Variants in PVR observed in about 807,000 individuals in gnomAD.
PVR encodes PVR cell adhesion molecule, also known as poliovirus receptor.
A neutral mutation model predicts 43.3 loss-of-function variants in PVR; 39 were observed. The observed-to-expected ratio is 0.90, with a 90% confidence interval of 0.70 to 1.18. The LOEUF is 1.18. Ranked by LOEUF, PVR falls within the 50% of genes most tolerant of loss-of-function variation. PVR has a pLI of 0.00. For synonymous variants in PVR, 224 were observed against 233.2 expected (o/e 0.96, Z 0.36); for missense variants, 480 against 549.7 (o/e 0.87, Z 1.27).
intron 1 of PVR, among the ~76,000 whole-genome samples, chr19:44,645,448 G>A (rs1457654174): frequency 1.3e-5 from 1 of 79,856 alleles, no homozygotes; most frequent in Non-Finnish European, 2.2e-5. Flanking sequence ...TATATATAGT[G>A]CGTGTGTGCG....
chr19:44,651,878 A>G (rs1456468009), intron 3 of PVR, among the ~76,000 whole-genome samples: 1 of 152,212 alleles, frequency 6.6e-6, no homozygotes, highest in South Asian at 2.1e-4. Context: ...GAAAGAGGCC[A>G]GGCACGGTGG....
In PVR at chr19:44,657,885, G is replaced by A; in HGVS notation, c.966G>A (p.Gln322=). Residue 322 remains glutamine, a synonymous_variant, in exon 5 of 8, where the codon CAG becomes CAA. Coordinates refer to ENST00000425690, the MANE Select transcript of PVR (RefSeq NM_006505.5). ...CNVTNALGAR[Q]AELTVQVKEG... ...TCACCAATGCCCTAGGAGCTCGCCA[G>A]GCAGAACTGACCGTCCAGGTCAAAG... 1 of 1,613,832 alleles carries A rather than the reference G, an allele frequency of 6.2e-7. No individual in the cohort carries two copies. The highest frequency in any genetic ancestry group is 8.5e-7 in the Non-Finnish European group (1 of 1,179,890).
Position 44,647,313 on chromosome 19 carries a change from A to C in PVR, c.170A>C (p.Glu57Ala). Reference protein sequence around the residue: ...LPCYLQVPNMEVTHVSQLTWA... With the variant: ...LPCYLQVPNMAVTHVSQLTWA... ...TGCTACCTACAGGTGCCCAACATGGAGGTGACGCATGTGTCACAGCTGACT... is the reference window on the plus strand; with the variant it reads ...TGCTACCTACAGGTGCCCAACATGGCGGTGACGCATGTGTCACAGCTGACT... Residue 57 changes from glutamate (E) to alanine (A), a missense_variant, in exon 2 of 8, where the codon GAG becomes GCG. Transcript: ENST00000425690. 3 of 1,607,902 alleles carry C rather than the reference A, an allele frequency of 1.9e-6. No homozygotes were observed. The highest frequency in any genetic ancestry group is 2.5e-6 in the Non-Finnish European group (3 of 1,177,326).
chr19:44,664,742 T>C lies in PVR; in HGVS notation c.*2931T>C, dbSNP rs1973669237. On this transcript the variant is annotated 3_prime_UTR_variant, in exon 8 of 8. Transcript: ENST00000425690. ...TTTTTTTTTATTTTAGAGAAAGGAA[T>C]CTTGCCATCTTGCCCAGGCTGGTCT... The C allele has an allele frequency of 6.6e-6, 1 of 151,394 alleles. No individual in the cohort carries two copies. Among genetic ancestry groups the C allele is most frequent in the African/African-American group, 2.4e-5 (1 of 41,152 alleles). The allele number at this position is 151,394 out of a possible 1,614,324, so 9.4% of individuals were successfully genotyped here.
chr19:44,644,716 ATTCT>A (rs1448705722), intron 1 of PVR, among the ~76,000 whole-genome samples: 3 of 140,280 alleles, frequency 2.1e-5, no homozygotes, highest in African/African-American at 7.9e-5. Flanking sequence ...TCATTCTTTC[ATTCT>A]TTTTTTTTTT....
chr19:44,659,437 T>C (rs551686962), intron 6 of PVR, among the ~76,000 whole-genome samples: 74 of 152,306 alleles, frequency 4.9e-4, no homozygotes, highest in African/African-American at 1.6e-3. Context: ...CCACTTTGTA[T>C]GTATAACCCC....
rs10410883 is a variant in PVR, at chr19:44,651,013, G to T, written c.724+908G>T. Among the ~76,000 whole-genome samples, 1,189 of 152,114 alleles carry T rather than the reference G, an allele frequency of 7.8e-3. 18 individuals carry two copies. Among genetic ancestry groups the T allele is most frequent in the African/African-American group, 0.027 (1,120 of 41,478 alleles). On this transcript the variant is annotated intron_variant, in intron 3 of 7. Coordinates refer to ENST00000425690, the MANE Select transcript of PVR (RefSeq NM_006505.5). ...GCCTCCCAAGTAACTGGGACTACAG[G>T]TGCAGCCACCATGCCCGGCTAATTT...
At chr19:44,644,840 C>T (rs924991401) in intron 1 of PVR, among the ~76,000 whole-genome samples, 2 of 148,526 alleles carry the variant, frequency 1.3e-5, no homozygotes, top group Non-Finnish European at 3.0e-5. Context: ...TTCAGCCTCC[C>T]GAGTAGCTCG....
intron 1 of PVR, among the ~76,000 whole-genome samples, chr19:44,645,167 TTA>T (rs1410963995): frequency 1.2e-5 from 1 of 83,834 alleles, no homozygotes; most frequent in Non-Finnish European, 2.2e-5. Context: ...AATATGTATA[TTA>T]TATATTATAT....
Position 44,657,881 on chromosome 19 carries a change from G to C in PVR, c.962G>C (p.Arg321Pro). The change falls in exon 5 of 8, where the codon CGC (arginine) becomes CCC (proline). Residue 321 changes from arginine to proline, a missense_variant. By Grantham distance (103) the Arg-to-Pro change is moderately radical (BLOSUM62 -2). Coordinates refer to ENST00000425690, the MANE Select transcript of PVR (RefSeq NM_006505.5). ...AACGTCACCAATGCCCTAGGAGCTC[G>C]CCAGGCAGAACTGACCGTCCAGGTC... is the stretch of plus-strand genomic sequence containing the variant. ...ICNVTNALGARQAELTVQVKE... is the reference protein window; with the variant it reads ...ICNVTNALGAPQAELTVQVKE... 1 of 1,613,802 alleles carries C rather than the reference G, an allele frequency of 6.2e-7. No individual in the cohort carries two copies. The highest frequency in any genetic ancestry group is 8.5e-7 in the Non-Finnish European group (1 of 1,179,876).
intron 7 of PVR, 48 bp from the exon 8 acceptor site, chr19:44,661,692 T>C: frequency 1.9e-6 from 3 of 1,558,620 alleles, no homozygotes; most frequent in Middle Eastern, 3.4e-4. Flanking sequence ...AGATGTTTGA[T>C]TTTGTTCAAA....
In PVR at chr19:44,664,188, ATTTATTTATTTATTTG is replaced by A. The variant is rs948860153; in HGVS notation, c.*2393_*2408del. 2 of 149,448 alleles carry A rather than the reference ATTTATTTATTTATTTG, an allele frequency of 1.3e-5. No homozygotes were observed. The highest frequency in any genetic ancestry group is 2.4e-5 in the African/African-American group (1 of 41,052). The allele number at this position is 149,448 out of a possible 1,614,324, so 9.3% of individuals were successfully genotyped here. On this transcript the variant is annotated 3_prime_UTR_variant, in exon 8 of 8. Transcript: ENST00000425690. Reference sequence around the variant, plus strand: ...AAAAAACCATTGAATAGTGCACTTTATTTATTTATTTATTTGTTTATTTATTTATTTATTTTAGAAA... The same window carrying A: ...AAAAAACCATTGAATAGTGCACTTTATTTATTTATTTATTTATTTTAGAAA...
chr19:44,647,107 G>A (rs1317165155), intron 1 of PVR, 116 bp from the exon 2 acceptor site: 6 of 102,974 alleles, frequency 5.8e-5, no homozygotes, highest in South Asian at 4.1e-4. Flanking sequence ...ACGGTCCACC[G>A]GGGATCCAGG....
chr19:44,654,056 G>C (rs1213022091), intron 4 of PVR, 39 bp downstream of exon 4: 3 of 1,515,024 alleles, frequency 2.0e-6, no homozygotes, highest in Non-Finnish European at 2.7e-6. Context: ...CTGGGGGTCT[G>C]GATTTCTAGC....
At chr19:44,647,620 G>A (rs1477136682) in intron 2 of PVR, 50 bp downstream of exon 2, 2 of 1,483,940 alleles carry the variant, frequency 1.3e-6, no homozygotes, top group East Asian at 2.4e-5. Context: ...GACTTGGTGG[G>A]AGGATCAGGG....
intron 1 of PVR, 146 bp from the exon 2 acceptor site, chr19:44,647,077 T>TACCCCACC: frequency 3.2e-6 from 1 of 311,374 alleles, no homozygotes; most frequent in Non-Finnish European, 5.7e-6. Flanking sequence ...GTGCCCCAGT[T>TACCCCACC]CCCCCTCCCC....
chr19:44,654,673 G>A (rs1287317226), intron 4 of PVR, among the ~76,000 whole-genome samples: 2 of 152,228 alleles, frequency 1.3e-5, no homozygotes, highest in African/African-American at 4.8e-5. Context: ...TCCGCCTCTT[G>A]GCCAAGCTTG....
chr19:44,650,246 C>T, intron 3 of PVR, 141 bp downstream of exon 3: 1 of 753,996 alleles, frequency 1.3e-6, no homozygotes, highest in South Asian at 2.3e-5. Flanking sequence ...ACGACCCACC[C>T]CCATTGTCTG....
chr19:44,661,796 A>G lies in PVR; in HGVS notation c.1239A>G (p.Thr413=). ...RENSSSQDPQ[T]EGTR The stretch of plus-strand genomic sequence containing the variant: ...ACAGCTCTTCCCAGGATCCACAGAC[A>G]GAGGGCACAAGGTGACAGCGTCGGG... The change falls in exon 8 of 8, where the codon ACA becomes ACG. Residue 413 remains threonine (T), a synonymous_variant. Transcript: ENST00000425690. The G allele has an allele frequency of 6.2e-7, 1 of 1,614,030 alleles. No individual in the cohort carries two copies. The highest frequency in any genetic ancestry group is 8.5e-7 in the Non-Finnish European group (1 of 1,179,980).
Sources: gnomAD v4.1 joint callset for allele counts (sites outside exome capture counted in the v4.1 genomes callset) on GRCh38, gnomAD v4.1.1 for gene constraint, MANE v1.5 for transcripts, NCBI Gene and HGNC (gene_info 2026-07-23, HGNC 2026-07-21) for gene names.